Variants in GNAL observed in about 807,000 individuals in gnomAD.
The protein encoded by GNAL is G protein subunit alpha L.
A neutral mutation model predicts 55.1 loss-of-function variants in GNAL; 18 were observed. The ratio of observed to expected loss-of-function variants is 0.33; its 90% CI spans 0.23 to 0.48. The LOEUF (loss-of-function observed/expected upper bound fraction) is 0.48, where lower values mean the gene tolerates loss of function less well. GNAL is among the 20% of genes least tolerant of loss of function. The pLI is 0.99. For missense variants in GNAL, 412 were observed against 614.1 expected (o/e 0.67, Z 3.48); for synonymous variants, 253 against 237.0 (o/e 1.07, Z -0.62).
At chr18:11,750,452 G>T (rs1398386773) in intron 1 of GNAL, among the ~76,000 whole-genome samples, 3 of 152,066 alleles carry the variant, frequency 2.0e-5, no homozygotes, top group Non-Finnish European at 2.9e-5. Flanking sequence ...CGTCAGGAAC[G>T]TGTGTGGGTT....
chr18:11,731,395 C>T (rs892836144), intron 1 of GNAL, among the ~76,000 whole-genome samples: 15 of 152,188 alleles, frequency 9.9e-5, no homozygotes, highest in Admixed American at 2.6e-4. Context: ...GTGATCCACC[C>T]GCCTTGGCCT....
intron 1 of GNAL, among the ~76,000 whole-genome samples, chr18:11,696,863 G>A (rs2031428685): frequency 6.6e-6 from 1 of 152,066 alleles, no homozygotes; most frequent in African/African-American, 2.4e-5. Context: ...TCAAAATTTG[G>A]GGGTATCCTG....
In GNAL at chr18:11,751,376, G is replaced by C. The variant is rs960254677; in HGVS notation, c.377-1477G>C. Reference sequence around the variant, plus strand: ...TTCGAGGCCACAGTGCCTTCTGGAAGAGTTGTTGTGCTGCTTGGGAGCACT... The same window carrying C: ...TTCGAGGCCACAGTGCCTTCTGGAACAGTTGTTGTGCTGCTTGGGAGCACT... On this transcript the variant is annotated intron_variant, in intron 1 of 11. Coordinates refer to ENST00000334049, the MANE Select transcript of GNAL (RefSeq NM_182978.4). The surrounding 1 kb of genome is among the most constrained non-coding windows in gnomAD (Gnocchi z 4.5). The C allele has an allele frequency of 5.7e-6, 2 of 351,460 alleles. No individual in the cohort carries two copies. Among genetic ancestry groups the C allele is most frequent in the Non-Finnish European group, 4.0e-6 (1 of 250,218 alleles). The allele number at this position is 351,460 out of a possible 1,614,324, so 21.8% of individuals were successfully genotyped here.
At chr18:11,747,247 A>G (rs1272192868) in intron 1 of GNAL, 2 of 330,368 alleles carry the variant, frequency 6.1e-6, no homozygotes, top group Non-Finnish European at 1.2e-5. Context: ...AGCTCCTGAA[A>G]GAGACATTTG....
chr18:11,797,373 TTTC>T (rs1213483275), intron 4 of GNAL, among the ~76,000 whole-genome samples: 1 of 152,228 alleles, frequency 6.6e-6, no homozygotes, highest in African/African-American at 2.4e-5. Flanking sequence ...GTCTCTTTAA[TTTC>T]TTATTAGTAT....
intron 5 of GNAL, among the ~76,000 whole-genome samples, chr18:11,850,635 G>A (rs746734825): frequency 6.6e-6 from 1 of 152,186 alleles, no homozygotes; most frequent in African/African-American, 2.4e-5. Flanking sequence ...TGACAGTTTA[G>A]CCTGTCAAAC....
intron 1 of GNAL, among the ~76,000 whole-genome samples, chr18:11,729,871 T>C (rs2032296214): frequency 6.6e-6 from 1 of 152,180 alleles, no homozygotes; most frequent in Non-Finnish European, 1.5e-5. Context: ...TTAGGGAGAC[T>C]GGAGTTGCAG....
chr18:11,787,309 A>G (rs2034087900), intron 4 of GNAL, among the ~76,000 whole-genome samples: 1 of 152,232 alleles, frequency 6.6e-6, no homozygotes, highest in African/African-American at 2.4e-5. Flanking sequence ...ACATCTCCTT[A>G]GGATGTATAA....
intron 1 of GNAL, among the ~76,000 whole-genome samples, chr18:11,721,424 A>G (rs2032089933): frequency 6.6e-6 from 1 of 152,132 alleles, no homozygotes; most frequent in Admixed American, 6.5e-5. Context: ...CACTTATTCA[A>G]GTTCACTGAA....
chr18:11,752,324 T>G lies in GNAL; in HGVS notation c.377-529T>G. 1 of 1,477,294 alleles carries G rather than the reference T, an allele frequency of 6.8e-7. No individual in the cohort carries two copies. The highest frequency in any genetic ancestry group is 1.5e-5 in the South Asian group (1 of 68,454). The allele number at this position is 1,477,294 out of a possible 1,614,324, so 91.5% of individuals were successfully genotyped here. ...ACACCGAAGAGACCAGACCATCTCT[T>G]TCAGCAGCAGGAAAGAGAGGAGCCG... is the stretch of plus-strand genomic sequence containing the variant. On this transcript the variant is annotated intron_variant, in intron 1 of 11. Transcript: ENST00000334049. This position sits in a 1 kb window ranked among gnomAD's most constrained non-coding sequence, Gnocchi z 4.5.
rs780821394 is a variant in GNAL, at chr18:11,868,532, T to C, written c.911-11T>C. On this transcript the variant is annotated splice_polypyrimidine_tract_variant and intron_variant, in intron 8 of 11. Coordinates refer to ENST00000334049, the MANE Select transcript of GNAL (RefSeq NM_182978.4). This position sits in a 1 kb window ranked among gnomAD's most constrained non-coding sequence, Gnocchi z 4.0. ...TCTAACTGAGGTGCTTTCCTTTTTC[T>C]CCCCACCAAGATGTCACAGCTATCA... The C allele has an allele frequency of 1.1e-5, 17 of 1,605,632 alleles. No individual in the cohort carries two copies. Among genetic ancestry groups the C allele is most frequent in the Middle Eastern group, 1.7e-4 (1 of 6,042 alleles).
intron 4 of GNAL, among the ~76,000 whole-genome samples, chr18:11,763,374 A>G (rs974940879): frequency 7.2e-5 from 11 of 152,184 alleles, no homozygotes; most frequent in Non-Finnish European, 1.6e-4. Flanking sequence ...ACCACAGCAC[A>G]GGTATCAAAA....
chr18:11,754,395 C>T (rs1010536386), intron 4 of GNAL, among the ~76,000 whole-genome samples: 4 of 149,816 alleles, frequency 2.7e-5, no homozygotes, highest in Admixed American at 6.7e-5. Context: ...CCAGCCTGGG[C>T]GACAGAGCGA....
chr18:11,710,724 C>T lies in GNAL; in HGVS notation c.376+20785C>T, dbSNP rs9949105. 2.4e-3 allele frequency among the ~76,000 whole-genome samples: 371 copies of T among 152,064 alleles called. 4 individuals are homozygous for T. The highest frequency in any genetic ancestry group is 8.4e-3 in the African/African-American group (349 of 41,474). On this transcript the variant is annotated intron_variant, in intron 1 of 11. Transcript: ENST00000334049. The stretch of plus-strand genomic sequence containing the variant: ...AGAACGTTGAATATATCATCCCACT[C>T]CTTTCTGACCTGAAAGATTTTTGCT...
chr18:11,714,386 G>T (rs898560609), intron 1 of GNAL, among the ~76,000 whole-genome samples: 1 of 152,198 alleles, frequency 6.6e-6, no homozygotes, highest in Non-Finnish European at 1.5e-5. Context: ...GGGACAGTAG[G>T]TGCTGAGGTG....
Position 11,875,887 on chromosome 18 carries a change from G to GTCT in GNAL, c.1163-733_1163-731dup, listed in dbSNP as rs1452403361. Among the ~76,000 whole-genome samples, 5 of 152,314 alleles carry GTCT rather than the reference G, an allele frequency of 3.3e-5. No individual in the cohort carries two copies. In the East Asian group the frequency reaches 9.6e-4, roughly 29 times the overall value. ...AGATTAAGACACCGGCCGATTCAGT[G>GTCT]TCTGGTAAGGGTTTCTCTGCTTCAT... On this transcript the variant is annotated intron_variant, in intron 10 of 11. Transcript: ENST00000334049.
At chr18:11,822,477 G>A (rs7233271) in intron 4 of GNAL, among the ~76,000 whole-genome samples, 10,051 of 152,182 alleles carry the variant, frequency 0.066, 498 homozygotes, top group African/African-American at 0.13. Flanking sequence ...GGTGGCACGC[G>A]GCTGTAGTCC....
intron 4 of GNAL, among the ~76,000 whole-genome samples, chr18:11,762,751 A>G (rs1410638958): frequency 6.6e-6 from 1 of 152,218 alleles, no homozygotes; most frequent in African/African-American, 2.4e-5. Flanking sequence ...AGTGACAAAA[A>G]TGCAAGGTTT....
At chr18:11,702,450 G>T (rs73944240) in intron 1 of GNAL, among the ~76,000 whole-genome samples, 3,607 of 152,320 alleles carry the variant, frequency 0.024, 144 homozygotes, top group African/African-American at 0.082. Flanking sequence ...ACCCCAGAGA[G>T]TTAGACTGAG....
Sources: allele counts gnomAD v4.1 joint callset (sites outside exome capture counted in the v4.1 genomes callset), GRCh38; gene constraint gnomAD v4.1.1; non-coding constraint Gnocchi (gnomAD v3.1); transcripts MANE v1.5; gene names NCBI Gene and HGNC (gene_info 2026-07-23, HGNC 2026-07-21).